FANK1: variants seen among roughly 807,000 people sequenced by gnomAD.
FANK1 encodes the protein fibronectin type III and ankyrin repeat domains 1, also known as fibronectin type 3 and ankyrin repeat domains protein 1.
In FANK1, 44 loss-of-function variants were observed where a neutral mutation model predicts 45.3. That is an observed-to-expected ratio of 0.97 (90% confidence interval 0.76 to 1.25). FANK1 has a LOEUF of 1.25. Among genes scored for constraint, FANK1 ranks in the 50% most tolerant of loss-of-function variants. The pLI is 0.00. For missense variants in FANK1, 391 were observed against 424.4 expected (o/e 0.92, Z 0.69); for synonymous variants, 149 against 152.5 (o/e 0.98, Z 0.17).
chr10:125,960,397 TG>T, intron 1 of FANK1: 1 of 193,096 alleles, frequency 5.2e-6, no homozygotes, highest in South Asian at 8.7e-5. Flanking sequence ...TTGCTGGCCC[TG>T]GAAGACATGG....
At chr10:126,008,963 T>C in intron 8 of FANK1, 91 bp from the exon 9 acceptor site, 4 of 1,239,970 alleles carry the variant, frequency 3.2e-6, no homozygotes, top group Non-Finnish European at 4.6e-6. Flanking sequence ...GGGGGGCTGC[T>C]GGGACCCTGC....
At chr10:125,909,010 A>G (rs2134112118) in intron 1 of FANK1, among the ~76,000 whole-genome samples, 1 of 152,278 alleles carries the variant, frequency 6.6e-6, no homozygotes, top group East Asian at 1.9e-4. Flanking sequence ...CGAAGGCTTG[A>G]CTGAGGCTAG....
intron 1 of FANK1, among the ~76,000 whole-genome samples, chr10:125,905,268 T>C (rs1455775711): frequency 1.3e-5 from 2 of 148,738 alleles, no homozygotes; most frequent in African/African-American, 5.3e-5. Flanking sequence ...ATAGTGAGAC[T>C]CTGTCACTAA....
intron 1 of FANK1, among the ~76,000 whole-genome samples, chr10:125,948,544 T>C (rs1948973096): frequency 6.6e-6 from 1 of 151,922 alleles, no homozygotes; most frequent in African/African-American, 2.4e-5. Context: ...ACACATACAC[T>C]CTCCCAAGAC....
At chr10:125,922,303 G>T (rs1489446520) in intron 1 of FANK1, among the ~76,000 whole-genome samples, 2 of 152,148 alleles carry the variant, frequency 1.3e-5, no homozygotes, top group Non-Finnish European at 2.9e-5. Context: ...TAACTTCAGG[G>T]TTTGTTTTAT....
intron 1 of FANK1, among the ~76,000 whole-genome samples, chr10:125,941,501 A>G (rs1241576209): frequency 6.6e-6 from 1 of 152,244 alleles, no homozygotes; most frequent in African/African-American, 2.4e-5. Context: ...ACATTATCAC[A>G]TAAGTTTGAA....
At chr10:125,929,127 A>C (rs1026546631) in intron 1 of FANK1, among the ~76,000 whole-genome samples, 4 of 152,248 alleles carry the variant, frequency 2.6e-5, no homozygotes, top group Non-Finnish European at 4.4e-5. Context: ...TATGAGACTC[A>C]CAGAAGAGCC....
chr10:125,947,228 A>T lies in FANK1; in HGVS notation c.14-32933A>T, dbSNP rs1194669855. ...AACTAACAAGCAAAATAACCAGCTA[A>T]CATCATAATGACAGGATCAAATTCA... On this transcript the variant is annotated intron_variant, in intron 1 of 10. Coordinates refer to ENST00000368693, the MANE Select transcript of FANK1 (RefSeq NM_145235.5). 3.7e-4 allele frequency among the ~76,000 whole-genome samples: 57 copies of T among 152,050 alleles called. 1 individual carries two copies. The South Asian group carries it at 0.011, about 31-fold the overall frequency.
intron 1 of FANK1, among the ~76,000 whole-genome samples, chr10:125,934,599 A>G (rs760373952): frequency 7.9e-5 from 12 of 151,582 alleles, no homozygotes; most frequent in Non-Finnish European, 1.6e-4. Flanking sequence ...AGACTGGAGG[A>G]GGAGGTGGGA....
intron 3 of FANK1, among the ~76,000 whole-genome samples, chr10:125,989,121 C>T (rs190363678): frequency 6.6e-5 from 10 of 152,290 alleles, no homozygotes; most frequent in Middle Eastern, 3.4e-3. Flanking sequence ...CCTGGGGTCA[C>T]GGTGAGTGAG....
intron 7 of FANK1, among the ~76,000 whole-genome samples, chr10:126,005,837 C>T (rs1468687304): frequency 6.6e-6 from 1 of 152,134 alleles, no homozygotes; most frequent in African/African-American, 2.4e-5. Flanking sequence ...AGGAAACTGA[C>T]CATATCAAGA....
At chr10:125,961,684 A>G (rs1453606552) in intron 1 of FANK1, among the ~76,000 whole-genome samples, 2 of 152,232 alleles carry the variant, frequency 1.3e-5, no homozygotes, top group African/African-American at 2.4e-5. Flanking sequence ...TTGGTCTGGG[A>G]AAATATTTTA....
chr10:125,980,952 C>T (rs1951167835), intron 2 of FANK1: 1 of 152,462 alleles, frequency 6.6e-6, no homozygotes, highest in Non-Finnish European at 1.5e-5. Flanking sequence ...TAGCTCAGAA[C>T]CTTGTTTTGT....
At chr10:126,000,149 CAGA>C (rs1952649820) in intron 6 of FANK1, among the ~76,000 whole-genome samples, 2 of 152,254 alleles carry the variant, frequency 1.3e-5, no homozygotes, top group South Asian at 4.2e-4. Context: ...TGTCATATGC[CAGA>C]ATGGCAAGAT....
intron 1 of FANK1, among the ~76,000 whole-genome samples, chr10:125,905,783 A>G (rs75143502): frequency 1.3e-5 from 2 of 152,304 alleles, no homozygotes; most frequent in African/African-American, 2.4e-5. Context: ...ATTTTCTCTT[A>G]AAAGTTTCTG....
intron 1 of FANK1, among the ~76,000 whole-genome samples, chr10:125,962,665 C>A (rs565594464): frequency 6.6e-6 from 1 of 151,826 alleles, no homozygotes; most frequent in Non-Finnish European, 1.5e-5. Flanking sequence ...TAAAATATTA[C>A]AATGCTCATG....
intron 2 of FANK1, among the ~76,000 whole-genome samples, chr10:125,982,194 G>A (rs1269152764): frequency 6.6e-6 from 1 of 152,244 alleles, no homozygotes; most frequent in African/African-American, 2.4e-5. Flanking sequence ...ACCACAAGCT[G>A]TGTTGGGCAG....
chr10:125,929,233 G>C (rs1947587016), intron 1 of FANK1, among the ~76,000 whole-genome samples: 1 of 152,208 alleles, frequency 6.6e-6, no homozygotes, highest in Non-Finnish European at 1.5e-5. Context: ...GGGAGAGCGA[G>C]GGGAGGAACT....
chr10:125,902,953 A>T (rs1432989745), intron 1 of FANK1, among the ~76,000 whole-genome samples: 4 of 125,522 alleles, frequency 3.2e-5, no homozygotes, highest in Non-Finnish European at 5.2e-5. Context: ...AATCAAGATT[A>T]AAAAAAATTT....
Sources: gnomAD v4.1 joint callset for allele counts (sites outside exome capture counted in the v4.1 genomes callset) on GRCh38, gnomAD v4.1.1 for gene constraint, MANE v1.5 for transcripts, NCBI Gene and HGNC (gene_info 2026-07-23, HGNC 2026-07-21) for gene names.